The following TAS2R1 variants were observed in gnomAD, a reference collection of about 807,000 sequenced individuals.
TAS2R1 encodes the protein taste receptor type 2 member 1.
For synonymous variants in TAS2R1, 141 were observed against 134.2 expected (o/e 1.05, Z -0.35); for missense variants, 370 against 353.4 (o/e 1.05, Z -0.38).
At chr5:9,748,256 G>A in the TAS2R1 span, among the ~76,000 whole-genome samples, 24 of 152,138 alleles carry the variant, frequency 1.6e-4, no homozygotes, top group African/African-American at 4.1e-4. Flanking sequence ...TATTTGAGAC[G>A]GAGTCTTGCT....
chr5:9,653,404 C>T (rs1247654311), intron 2 of TAS2R1, among the ~76,000 whole-genome samples: 1 of 152,148 alleles, frequency 6.6e-6, no homozygotes, highest in Non-Finnish European at 1.5e-5. Flanking sequence ...TTTTGCTTAT[C>T]CATTCATTTG....
At chr5:9,664,205 G>A (rs1344034037) in intron 1 of TAS2R1, among the ~76,000 whole-genome samples, 1 of 152,060 alleles carries the variant, frequency 6.6e-6, no homozygotes, top group Non-Finnish European at 1.5e-5. Flanking sequence ...AAGCGAGCAG[G>A]GCCATCATCT....
At chr5:9,688,817 T>C (rs1264627757) in intron 1 of TAS2R1, among the ~76,000 whole-genome samples, 1 of 152,064 alleles carries the variant, frequency 6.6e-6, no homozygotes, top group Non-Finnish European at 1.5e-5. Flanking sequence ...CCCACACACA[T>C]GCTTTGTAAA....
the TAS2R1 span, among the ~76,000 whole-genome samples, chr5:9,755,587 C>CAAAAAAAAAA: frequency 1.1e-5 from 1 of 94,866 alleles, no homozygotes; most frequent in Non-Finnish European, 2.1e-5. Flanking sequence ...ACTCCATCTC[C>CAAAAAAAAAA]AAAAAAAAAA....
the TAS2R1 span, among the ~76,000 whole-genome samples, chr5:9,866,930 G>A: frequency 6.6e-6 from 1 of 152,190 alleles, no homozygotes; most frequent in Non-Finnish European, 1.5e-5. Context: ...CTGTGTGTAT[G>A]TATGTTCTAT....
At chr5:9,729,940 T>C in the TAS2R1 span, among the ~76,000 whole-genome samples, 14 of 152,208 alleles carry the variant, frequency 9.2e-5, no homozygotes, top group Non-Finnish European at 2.1e-4. Flanking sequence ...GTAACATGAC[T>C]GTGCCCAACG....
Position 9,629,705 on chromosome 5 carries a change from C to T in TAS2R1, c.328G>A (p.Val110Ile), listed in dbSNP as rs767333394. 6.2e-6 allele frequency: 10 copies of T among 1,614,098 alleles called. No homozygotes were observed. The highest frequency in any genetic ancestry group is 1.1e-5 in the South Asian group (1 of 91,054). ...AACCAGATGAAGAGTGGGTGACGGACGCTGGCAACCTTGGCACAATAGAAA... is the reference window on the plus strand; with the variant it reads ...AACCAGATGAAGAGTGGGTGACGGATGCTGGCAACCTTGGCACAATAGAAA... ...GVFYCAKVASVRHPLFIWLKM... is the reference protein window; with the variant it reads ...GVFYCAKVASIRHPLFIWLKM... Residue 110 changes from valine to isoleucine, a missense_variant, in exon 1 of 1, where the codon GTC becomes ATC. Physicochemically the swap from Val to Ile is conservative, Grantham distance 29. Coordinates refer to ENST00000382492, the MANE Select transcript of TAS2R1 (RefSeq NM_019599.3).
At chr5:9,736,184 G>T in the TAS2R1 span, among the ~76,000 whole-genome samples, 2 of 152,182 alleles carry the variant, frequency 1.3e-5, no homozygotes, top group Non-Finnish European at 2.9e-5. Context: ...CCCCTGCCTA[G>T]CATCCCTCTT....
the TAS2R1 span, among the ~76,000 whole-genome samples, chr5:9,796,080 G>A: frequency 2.2e-3 from 339 of 152,314 alleles, 2 homozygotes; most frequent in Admixed American, 4.1e-3. Context: ...TGCTCTTCAA[G>A]AGCCAGAATA....
At chr5:9,675,742 T>TTGTG (rs142191735) in intron 1 of TAS2R1, among the ~76,000 whole-genome samples, 1 of 152,020 alleles carries the variant, frequency 6.6e-6, no homozygotes, top group South Asian at 2.1e-4. Flanking sequence ...CAGGTTTTTC[T>TTGTG]TGTGTGTGTG....
chr5:9,838,658 T>A, the TAS2R1 span, among the ~76,000 whole-genome samples: 26 of 152,348 alleles, frequency 1.7e-4, no homozygotes, highest in East Asian at 9.6e-4. Flanking sequence ...GAGCTTTAAA[T>A]GCTGGACAGT....
chr5:9,851,301 C>T, the TAS2R1 span, among the ~76,000 whole-genome samples: 1 of 152,204 alleles, frequency 6.6e-6, no homozygotes, highest in Admixed American at 6.5e-5. Context: ...TCTGAAGGCG[C>T]ATGTTGGCTA....
chr5:9,633,319 T>TATATATATATATAC (rs1475834697), upstream of TAS2R1, among the ~76,000 whole-genome samples: 5 of 137,528 alleles, frequency 3.6e-5, no homozygotes, highest in African/African-American at 1.2e-4. Context: ...TATATATATA[T>TATATATATATATAC]ACACAAATGT....
At chr5:9,630,987 A>C (rs1405002454), upstream of TAS2R1, among the ~76,000 whole-genome samples, 1 of 152,158 alleles carries the variant, frequency 6.6e-6, no homozygotes. Context: ...TTTGGGCTAC[A>C]TAACTCTTTG....
the TAS2R1 span, among the ~76,000 whole-genome samples, chr5:9,864,014 G>C: frequency 1.3e-5 from 2 of 152,202 alleles, no homozygotes; most frequent in African/African-American, 4.8e-5. Context: ...GACCAAACAT[G>C]ATTTTTAAAT....
chr5:9,832,072 T>C, the TAS2R1 span, among the ~76,000 whole-genome samples: 3 of 152,206 alleles, frequency 2.0e-5, no homozygotes, highest in African/African-American at 7.2e-5. Context: ...TAACCTGTTA[T>C]CAAGTCCAGC....
intron 2 of TAS2R1, among the ~76,000 whole-genome samples, chr5:9,640,513 A>AAAAAAAAAC (rs1554052291): frequency 1.3e-4 from 20 of 150,494 alleles, no homozygotes; most frequent in African/African-American, 4.6e-4. Context: ...AAAAAAAAAA[A>AAAAAAAAAC]AAAAAAAAAC....
chr5:9,756,006 C>T, the TAS2R1 span, among the ~76,000 whole-genome samples: 1 of 152,166 alleles, frequency 6.6e-6, no homozygotes, highest in Non-Finnish European at 1.5e-5. Context: ...AATGCCTAAC[C>T]ATCTGGGAAT....
chr5:9,800,689 G>A, the TAS2R1 span, among the ~76,000 whole-genome samples: 1 of 152,182 alleles, frequency 6.6e-6, no homozygotes, highest in Admixed American at 6.5e-5. Context: ...GGTCATGAGG[G>A]TCATGGGCCA....
Sources: gnomAD v4.1 joint callset for allele counts (sites outside exome capture counted in the v4.1 genomes callset) on GRCh38, gnomAD v4.1.1 for gene constraint, MANE v1.5 for transcripts, NCBI Gene and HGNC (gene_info 2026-07-23, HGNC 2026-07-21) for gene names.